Variants in PTPRN2 observed in about 807,000 individuals in gnomAD.
PTPRN2 encodes protein tyrosine phosphatase receptor type N2, also known as receptor-type tyrosine-protein phosphatase N2.
A neutral mutation model predicts 118.8 loss-of-function variants in PTPRN2; 74 were observed. The ratio of observed to expected loss-of-function variants is 0.62; its 90% CI spans 0.52 to 0.76. The LOEUF is 0.76. Ranked by LOEUF, PTPRN2 falls within the 30% of genes least tolerant of loss-of-function variation. The pLI, the probability that PTPRN2 is intolerant of heterozygous loss-of-function variation, is 0.00. For missense variants in PTPRN2, 1,481 were observed against 1,394.4 expected (o/e 1.06, Z -0.99); for synonymous variants, 641 against 608.0 (o/e 1.05, Z -0.80).
chr7:158,393,040 C>T (rs1812062450), intron 2 of PTPRN2, among the ~76,000 whole-genome samples: 1 of 152,160 alleles, frequency 6.6e-6, no homozygotes. Context: ...GCCCAGGCCC[C>T]TGTGCCTGCT....
At chr7:157,697,273 T>C (rs1373108902) in intron 12 of PTPRN2, among the ~76,000 whole-genome samples, 60 of 91,666 alleles carry the variant, frequency 6.5e-4, no homozygotes, top group Non-Finnish European at 7.1e-4. Flanking sequence ...CTTGGCAGAT[T>C]CCTCACCATC....
intron 5 of PTPRN2, among the ~76,000 whole-genome samples, chr7:158,167,901 C>G (rs1271481117): frequency 6.6e-6 from 1 of 152,246 alleles, no homozygotes; most frequent in Non-Finnish European, 1.5e-5. Context: ...AAAAATTCAC[C>G]TATCAGTTGA....
intron 1 of PTPRN2, among the ~76,000 whole-genome samples, chr7:158,497,991 G>A (rs919149267): frequency 5.9e-5 from 9 of 152,252 alleles, no homozygotes; most frequent in Non-Finnish European, 1.2e-4. Context: ...TGGATCCTTG[G>A]GGCTCAGGCC....
Position 158,138,418 on chromosome 7 carries a change from C to G in PTPRN2, c.1008G>C (p.Met336Ile). 2.5e-6 allele frequency: 4 copies of G among 1,613,634 alleles called. No individual in the cohort carries two copies. The highest frequency in any genetic ancestry group is 3.4e-6 in the Non-Finnish European group (4 of 1,179,924). The change falls in exon 7 of 23, where the codon ATG (methionine) becomes ATC (isoleucine). Residue 336 changes from methionine to isoleucine, a missense_variant. Around this residue, in one of 3 missense-constraint regions of PTPRN2, gnomAD observed 1,115 missense variants for 994.2 expected, o/e 1.12. Transcript: ENST00000389418. ...GLELDGMAELMAGLMQGVDHG... is the reference protein window; with the variant it reads ...GLELDGMAELIAGLMQGVDHG... Reference sequence around the variant, plus strand: ...GGTCCACGCCTTGCATCAGGCCAGCCATCAGCTCAGCCATGCCGTCCAGCT... The same window carrying G: ...GGTCCACGCCTTGCATCAGGCCAGCGATCAGCTCAGCCATGCCGTCCAGCT...
At chr7:157,954,176 GGTGTGTGTGGTACATGTGTGCTGTGT>G (rs1801016613) in intron 11 of PTPRN2, among the ~76,000 whole-genome samples, 1 of 84,062 alleles carries the variant, frequency 1.2e-5, no homozygotes, top group Non-Finnish European at 2.7e-5. Flanking sequence ...TGTGCTGTGT[GGTGTGTGTGGTACATGTGTGCTGTGT>G]GGTGTGTGTA....
At chr7:158,008,344 A>G (rs1805810705) in intron 11 of PTPRN2, among the ~76,000 whole-genome samples, 1 of 152,240 alleles carries the variant, frequency 6.6e-6, no homozygotes, top group Non-Finnish European at 1.5e-5. Context: ...CAGGAGAAAG[A>G]AAACAGGAGT....
intron 14 of PTPRN2, among the ~76,000 whole-genome samples, chr7:157,626,445 A>G (rs1391724582): frequency 1.3e-5 from 2 of 152,156 alleles, no homozygotes; most frequent in Non-Finnish European, 2.9e-5. Context: ...GAACCGACCC[A>G]GACTTCAAGG....
intron 11 of PTPRN2, 106 bp downstream of exon 11, chr7:158,081,192 G>T: frequency 8.7e-7 from 1 of 1,151,970 alleles, no homozygotes; most frequent in Non-Finnish European, 1.3e-6. Context: ...CCCCATGTGG[G>T]TAGTGTGAGT....
At chr7:158,436,995 T>G (rs1004814947) in intron 2 of PTPRN2, among the ~76,000 whole-genome samples, 5 of 152,214 alleles carry the variant, frequency 3.3e-5, no homozygotes, top group African/African-American at 1.2e-4. Flanking sequence ...TTTGGTGTCT[T>G]TCTTCAGGTT....
chr7:158,507,087 G>C (rs139436407), intron 1 of PTPRN2, among the ~76,000 whole-genome samples: 1 of 152,246 alleles, frequency 6.6e-6, no homozygotes, highest in African/African-American at 2.4e-5. Flanking sequence ...GAGAGGCAGG[G>C]AGAGGGGTGG....
chr7:157,791,909 A>G (rs896943011), intron 12 of PTPRN2, among the ~76,000 whole-genome samples: 1 of 152,192 alleles, frequency 6.6e-6, no homozygotes, highest in Non-Finnish European at 1.5e-5. Flanking sequence ...CGGATCCCCA[A>G]AATCCTGAAG....
intron 9 of PTPRN2, among the ~76,000 whole-genome samples, chr7:158,119,443 G>A (rs969928267): frequency 2.6e-5 from 4 of 152,054 alleles, no homozygotes; most frequent in South Asian, 2.1e-4. Flanking sequence ...AATGTAACAC[G>A]GTATATCAAG....
chr7:158,273,800 G>C (rs1374918939), intron 3 of PTPRN2, among the ~76,000 whole-genome samples: 1 of 92,974 alleles, frequency 1.1e-5, no homozygotes, highest in African/African-American at 3.9e-5. Flanking sequence ...GGGAGCCGCA[G>C]ACACAGGGGG....
At chr7:158,346,187 AG>A (rs1807498760) in intron 2 of PTPRN2, among the ~76,000 whole-genome samples, 1 of 152,220 alleles carries the variant, frequency 6.6e-6, no homozygotes, top group African/African-American at 2.4e-5. Context: ...TTCTCTCAGC[AG>A]TTTTGAGATG....
intron 12 of PTPRN2, among the ~76,000 whole-genome samples, chr7:157,837,103 A>G: frequency 8.6e-6 from 1 of 116,864 alleles, no homozygotes; most frequent in African/African-American, 3.3e-5. Context: ...CCACCCACCT[A>G]TCCACTCACC....
At chr7:157,705,074 A>AG (rs1374414314) in intron 12 of PTPRN2, among the ~76,000 whole-genome samples, 5 of 152,180 alleles carry the variant, frequency 3.3e-5, no homozygotes, top group African/African-American at 9.7e-5. Context: ...TGGGAGGCCC[A>AG]GGGGGCGGAT....
chr7:158,473,530 A>C (rs2129444419), intron 2 of PTPRN2, among the ~76,000 whole-genome samples: 1 of 152,290 alleles, frequency 6.6e-6, no homozygotes, highest in Admixed American at 6.5e-5. Flanking sequence ...CTCGTCCATA[A>C]TTTAGTGACA....
At position 157,763,203 on chromosome 7, in the gene PTPRN2, G is replaced by A. The variant is rs1006618936; in HGVS notation, c.1789-80266C>T. ...ACAGAGTCCATCCCAGGCCACAGTG[G>A]GAAGGAGAGGGAGATGCCCTGAGGT... On this transcript the variant is annotated intron_variant, in intron 12 of 22. Transcript: ENST00000389418. This position sits in a 1 kb window ranked among gnomAD's most constrained non-coding sequence, Gnocchi z 4.9. 6.6e-6 allele frequency among the ~76,000 whole-genome samples: 1 copy of A among 152,244 alleles called. No homozygotes were observed. Among genetic ancestry groups the A allele is most frequent in the African/African-American group, 2.4e-5 (1 of 41,472 alleles).
At chr7:157,571,121 C>A (rs925595367) in intron 20 of PTPRN2, among the ~76,000 whole-genome samples, 2 of 148,074 alleles carry the variant, frequency 1.4e-5, no homozygotes, top group Non-Finnish European at 3.0e-5. Context: ...GTGGCGGGCG[C>A]AATCGCTTGA....
Sources: allele counts gnomAD v4.1 joint callset (sites outside exome capture counted in the v4.1 genomes callset), GRCh38; gene constraint gnomAD v4.1.1; regional missense constraint gnomAD v4.1.1; non-coding constraint Gnocchi (gnomAD v3.1); transcripts MANE v1.5; gene names NCBI Gene and HGNC (gene_info 2026-07-23, HGNC 2026-07-21).